Variants in RPS6KC1 observed in about 807,000 individuals in gnomAD.
RPS6KC1 encodes ribosomal protein S6 kinase C1.
RPS6KC1 carries 54 observed loss-of-function variants against 103.8 expected under a neutral mutation model. The observed-to-expected ratio is 0.52, with a 90% CI of 0.42 to 0.65. RPS6KC1 has a LOEUF of 0.65. Among genes scored for constraint, RPS6KC1 ranks in the 30% least tolerant of loss-of-function variants. The pLI is 0.00. For missense variants in RPS6KC1, 1,151 were observed against 1,253.8 expected, an observed-to-expected ratio of 0.92 and a Z score of 1.24; for synonymous variants, 439 against 438.7, an observed-to-expected ratio of 1.00 and a Z score of -0.01.
At chr1:213,506,213 T>A in the RPS6KC1 span, among the ~76,000 whole-genome samples, 4 of 152,314 alleles carry the variant, frequency 2.6e-5, no homozygotes, top group East Asian at 5.8e-4. Context: ...AGTCTCCTAC[T>A]TTTGTACCTG....
At chr1:213,352,090 A>G in the RPS6KC1 span, among the ~76,000 whole-genome samples, 1 of 152,130 alleles carries the variant, frequency 6.6e-6, no homozygotes, top group Admixed American at 6.6e-5. Context: ...ATTAGCTCCA[A>G]ATTTATTGAA....
the RPS6KC1 span, among the ~76,000 whole-genome samples, chr1:213,417,024 G>A: frequency 2.0e-5 from 3 of 152,140 alleles, no homozygotes; most frequent in East Asian, 1.9e-4. Context: ...AGTGCTCCCC[G>A]GGGTCTGTTC....
At chr1:213,633,207 G>T in the RPS6KC1 span, among the ~76,000 whole-genome samples, 1 of 151,948 alleles carries the variant, frequency 6.6e-6, no homozygotes, top group Non-Finnish European at 1.5e-5. Flanking sequence ...ACACCACAAA[G>T]ATACTCCTTG....
chr1:213,132,084 A>G (rs144639032), intron 6 of RPS6KC1, among the ~76,000 whole-genome samples: 155 of 152,358 alleles, frequency 1.0e-3, no homozygotes, highest in African/African-American at 3.6e-3. Context: ...ATGTCAGAAA[A>G]TAACAAATAA....
chr1:213,840,158 A>G, the RPS6KC1 span: 3 of 152,126 alleles, frequency 2.0e-5, no homozygotes, highest in African/African-American at 7.2e-5. Flanking sequence ...CTTCCTTTTC[A>G]AAGTCTTCTC....
chr1:213,386,023 A>G, the RPS6KC1 span, among the ~76,000 whole-genome samples: 35 of 152,114 alleles, frequency 2.3e-4, no homozygotes, highest in Admixed American at 1.8e-3. Flanking sequence ...TTGATCCTCA[A>G]TGTTGGAGGT....
chr1:213,437,243 T>G, the RPS6KC1 span, among the ~76,000 whole-genome samples: 37 of 152,218 alleles, frequency 2.4e-4, 1 homozygote, highest in East Asian at 3.3e-3. Context: ...TTATTAAATG[T>G]TTTTTCTGCA....
the RPS6KC1 span, among the ~76,000 whole-genome samples, chr1:213,452,770 C>G: frequency 1.0e-3 from 155 of 152,236 alleles, no homozygotes; most frequent in African/African-American, 3.6e-3. Flanking sequence ...ATCCCACAGC[C>G]AGGATATAAA....
At chr1:213,517,734 G>A in the RPS6KC1 span, among the ~76,000 whole-genome samples, 7 of 152,204 alleles carry the variant, frequency 4.6e-5, no homozygotes, top group Non-Finnish European at 1.0e-4. Flanking sequence ...TTCTGTAGAT[G>A]TCTATTAGGT....
chr1:213,709,591 T>TCC, the RPS6KC1 span, among the ~76,000 whole-genome samples: 1 of 151,146 alleles, frequency 6.6e-6, no homozygotes, highest in African/African-American at 2.4e-5. Flanking sequence ...TGCCTTCTGC[T>TCC]AGCTTTTATT....
At position 213,274,136 on chromosome 1, in the gene RPS6KC1, G is replaced by C. The variant is rs961000226; in HGVS notation, c.*1502G>C. 6.6e-6 allele frequency: 1 copy of C among 152,084 alleles called. No individual in the cohort carries two copies. Among genetic ancestry groups the C allele is most frequent in the Non-Finnish European group, 1.5e-5 (1 of 68,030 alleles). The allele number at this position is 152,084 out of a possible 1,614,324, so 9.4% of individuals were successfully genotyped here. A position where few individuals can be genotyped will look rare whatever the true frequency, so the allele number is the denominator to read the frequency against. On this transcript the variant is annotated 3_prime_UTR_variant, in exon 15 of 15. Transcript: ENST00000366960. ...CCCCCTTATAATCCAAACCCCAGCT[G>C]AAAGGCTGCAACAACACCAGGTTGG...
chr1:213,708,811 T>C, the RPS6KC1 span, among the ~76,000 whole-genome samples: 1 of 152,200 alleles, frequency 6.6e-6, no homozygotes, highest in East Asian at 1.9e-4. Context: ...GAGATAATCA[T>C]GTGGTTTTTG....
chr1:213,517,896 T>C, the RPS6KC1 span, among the ~76,000 whole-genome samples: 3 of 152,228 alleles, frequency 2.0e-5, no homozygotes, highest in Non-Finnish European at 4.4e-5. Context: ...GGACTTGCTT[T>C]ATGAATCTGG....
At chr1:213,163,442 ATACTCT>A (rs1446379174) in intron 6 of RPS6KC1, among the ~76,000 whole-genome samples, 1 of 152,212 alleles carries the variant, frequency 6.6e-6, no homozygotes, top group Non-Finnish European at 1.5e-5. Context: ...TAGAGTCAAA[ATACTCT>A]TAATAGCCCC....
the RPS6KC1 span, among the ~76,000 whole-genome samples, chr1:213,654,998 G>A: frequency 1.1e-4 from 17 of 152,178 alleles, no homozygotes; most frequent in East Asian, 3.3e-3. Context: ...GTCTTGGAGA[G>A]TAGTGTGATT....
At chr1:213,849,423 TC>T in the RPS6KC1 span, among the ~76,000 whole-genome samples, 4 of 152,234 alleles carry the variant, frequency 2.6e-5, no homozygotes, top group Admixed American at 6.5e-5. Flanking sequence ...ATCAACCCTT[TC>T]TTTACCAATT....
chr1:213,287,071 G>A, the RPS6KC1 span, among the ~76,000 whole-genome samples: 1 of 152,202 alleles, frequency 6.6e-6, no homozygotes, highest in Non-Finnish European at 1.5e-5. Flanking sequence ...TTTTTAAGAA[G>A]TGAAAGACTA....
the RPS6KC1 span, among the ~76,000 whole-genome samples, chr1:213,497,274 A>G: frequency 2.5e-4 from 38 of 152,286 alleles, no homozygotes; most frequent in African/African-American, 9.1e-4. Flanking sequence ...CATGCAACCT[A>G]TATGCCTCAA....
At chr1:213,402,723 T>C in the RPS6KC1 span, among the ~76,000 whole-genome samples, 1 of 152,258 alleles carries the variant, frequency 6.6e-6, no homozygotes, top group African/African-American at 2.4e-5. Context: ...ATTGATTCAA[T>C]GGGTTCTTTC....
Sources: gnomAD v4.1 joint callset for allele counts (sites outside exome capture counted in the v4.1 genomes callset) on GRCh38, gnomAD v4.1.1 for gene constraint, MANE v1.5 for transcripts, NCBI Gene and HGNC (gene_info 2026-07-23, HGNC 2026-07-21) for gene names.